ANKS1B: variants seen among roughly 807,000 people sequenced by gnomAD.
ANKS1B encodes ankyrin repeat and sterile alpha motif domain-containing protein 1B.
ANKS1B carries 36 observed loss-of-function variants against 148.3 expected under a neutral mutation model. The observed-to-expected ratio is 0.24, with a 90% CI of 0.19 to 0.32. The LOEUF is 0.32. ANKS1B is among the 10% of genes least tolerant of loss of function. The pLI, the probability that ANKS1B is intolerant of heterozygous loss-of-function variation, is 1.00. For missense variants in ANKS1B, 1,157 were observed against 1,542.6 expected (o/e 0.75, Z 4.19); for synonymous variants, 542 against 560.8 (o/e 0.97, Z 0.47).
chr12:99,191,706 T>C (rs1424809498), intron 14 of ANKS1B, among the ~76,000 whole-genome samples: 1 of 151,992 alleles, frequency 6.6e-6, no homozygotes, highest in Non-Finnish European at 1.5e-5. Context: ...AGTAGGGAAC[T>C]AGGGGAGGGA....
At chr12:99,550,596 C>G (rs2097208861) in intron 9 of ANKS1B, among the ~76,000 whole-genome samples, 1 of 150,828 alleles carries the variant, frequency 6.6e-6, no homozygotes, top group Non-Finnish European at 1.5e-5. Context: ...TGCACTCCAG[C>G]CTGGGTGACA....
In ANKS1B at chr12:98,964,384, T is replaced by C. The variant is rs567399144; in HGVS notation, c.2778+88773A>G. Among the ~76,000 whole-genome samples, 3 of 152,272 alleles carry C rather than the reference T, an allele frequency of 2.0e-5. No individual in the cohort carries two copies. In the South Asian group the frequency reaches 6.2e-4, roughly 32 times the overall value. ...TTGGTACAACCACTATGGAGAACAGTTTGGAGGTTCCTTAAAAAATTAAAA... is the reference window on the plus strand; with the variant it reads ...TTGGTACAACCACTATGGAGAACAGCTTGGAGGTTCCTTAAAAAATTAAAA... On this transcript the variant is annotated intron_variant, in intron 17 of 26. Coordinates refer to ENST00000683438, the MANE Select transcript of ANKS1B (RefSeq NM_001352186.2).
chr12:98,913,797 A>C (rs2099790134), intron 17 of ANKS1B, among the ~76,000 whole-genome samples: 1 of 151,918 alleles, frequency 6.6e-6, no homozygotes, highest in South Asian at 2.1e-4. Context: ...CACCCATCTA[A>C]TTTTTGTATT....
At chr12:99,876,196 AG>A (rs781508489) in intron 1 of ANKS1B, among the ~76,000 whole-genome samples, 3 of 152,226 alleles carry the variant, frequency 2.0e-5, no homozygotes, top group Non-Finnish European at 4.4e-5. Flanking sequence ...TAAGTGCTGC[AG>A]AAAAGGTAAA....
intron 14 of ANKS1B, among the ~76,000 whole-genome samples, chr12:99,217,145 T>C (rs927374179): frequency 2.0e-5 from 3 of 152,186 alleles, no homozygotes; most frequent in African/African-American, 4.8e-5. Flanking sequence ...TTATCTTGTT[T>C]AAGCCACTAT....
At chr12:99,423,325 C>CA (rs532546897) in intron 11 of ANKS1B, among the ~76,000 whole-genome samples, 74 of 152,198 alleles carry the variant, frequency 4.9e-4, no homozygotes, top group African/African-American at 1.6e-3. Context: ...ATTACAAACT[C>CA]AAAAAATAAC....
chr12:99,333,339 GAATAGAAATTAACAGATAGATTC>G (rs2087962886), intron 12 of ANKS1B, among the ~76,000 whole-genome samples: 1 of 152,164 alleles, frequency 6.6e-6, no homozygotes, highest in Non-Finnish European at 1.5e-5. Context: ...ATGACTCTGA[GAATAGAAATTAACAGATAGATTC>G]AAGAAGCAGG....
At position 99,464,318 on chromosome 12, in the gene ANKS1B, T is replaced by G. The variant is rs549881682; in HGVS notation, c.1439-20509A>C. 9.9e-5 allele frequency among the ~76,000 whole-genome samples: 15 copies of G among 151,960 alleles called. No homozygotes were observed. The South Asian group carries it at 2.1e-3, about 21-fold the overall frequency. ...CATCACCATCATCAAAAACCAAAAGTAGATAAAACTACAAAGATGGGGAAA... is the reference window on the plus strand; with the variant it reads ...CATCACCATCATCAAAAACCAAAAGGAGATAAAACTACAAAGATGGGGAAA... On this transcript the variant is annotated intron_variant, in intron 10 of 26. Transcript: ENST00000683438.
intron 8 of ANKS1B, among the ~76,000 whole-genome samples, chr12:99,686,109 C>G (rs1291888019): frequency 6.6e-6 from 1 of 151,918 alleles, no homozygotes; most frequent in Non-Finnish European, 1.5e-5. Flanking sequence ...CACCTATTTC[C>G]CAAAAAGCTA....
chr12:98,947,595 C>T (rs531182567), intron 17 of ANKS1B, among the ~76,000 whole-genome samples: 1 of 152,158 alleles, frequency 6.6e-6, no homozygotes, highest in Non-Finnish European at 1.5e-5. Flanking sequence ...AGGGTTCACA[C>T]GCAAACCAGT....
chr12:99,848,366 C>T (rs1458929486), intron 1 of ANKS1B, among the ~76,000 whole-genome samples: 1 of 152,130 alleles, frequency 6.6e-6, no homozygotes, highest in Non-Finnish European at 1.5e-5. Context: ...TATTCCCTAC[C>T]ATTCTCTACC....
chr12:99,877,442 G>A (rs757382034), intron 1 of ANKS1B, among the ~76,000 whole-genome samples: 3 of 152,066 alleles, frequency 2.0e-5, no homozygotes, highest in Non-Finnish European at 4.4e-5. Flanking sequence ...AATTCCTTCT[G>A]TCTATGGTGT....
In ANKS1B at chr12:99,637,989, C is replaced by T. The variant is rs906931756; in HGVS notation, c.1272+17078G>A. Among the ~76,000 whole-genome samples, 6 of 151,990 alleles carry T rather than the reference C, an allele frequency of 3.9e-5. No individual in the cohort carries two copies. In the South Asian group the frequency reaches 8.3e-4, roughly 21 times the overall value. Reference sequence around the variant, plus strand: ...AATCACGGGGATGGTTACCCCCATCCTGCTTTTCTCTGACAGTGAGTGAGT... The same window carrying T: ...AATCACGGGGATGGTTACCCCCATCTTGCTTTTCTCTGACAGTGAGTGAGT... On this transcript the variant is annotated intron_variant, in intron 9 of 26. Transcript: ENST00000683438.
At position 99,175,881 on chromosome 12, in the gene ANKS1B, C is replaced by T. The variant is rs141259042; in HGVS notation, c.2420-21486G>A. 6.6e-4 allele frequency among the ~76,000 whole-genome samples: 100 copies of T among 152,294 alleles called. 1 individual carries two copies. The highest frequency in any genetic ancestry group is 1.1e-3 in the Non-Finnish European group (78 of 68,020). On this transcript the variant is annotated intron_variant, in intron 14 of 26. Coordinates refer to ENST00000683438, the MANE Select transcript of ANKS1B (RefSeq NM_001352186.2). ...TTTACTTTTGAGACCGAGTCCTGCTCTGTTGCTCAGGCTGGAGTGCAGTAG... is the reference window on the plus strand; with the variant it reads ...TTTACTTTTGAGACCGAGTCCTGCTTTGTTGCTCAGGCTGGAGTGCAGTAG...
At chr12:99,052,060 C>T (rs1170803419) in intron 17 of ANKS1B, among the ~76,000 whole-genome samples, 1 of 152,162 alleles carries the variant, frequency 6.6e-6, no homozygotes, top group Admixed American at 6.5e-5. Flanking sequence ...TCTTTAAAAA[C>T]CTAAGTGATT....
chr12:99,010,757 A>ATTT (rs1274510399), intron 17 of ANKS1B, among the ~76,000 whole-genome samples: 6 of 96,090 alleles, frequency 6.2e-5, no homozygotes, highest in African/African-American at 2.7e-4. Context: ...TATTATTATT[A>ATTT]TTATTTTTTT....
rs2099487662 is a variant in ANKS1B at position 98,847,545 on chromosome 12, G to A, written c.2779-15409C>T. On this transcript the variant is annotated intron_variant, in intron 17 of 26. Coordinates refer to ENST00000683438, the MANE Select transcript of ANKS1B (RefSeq NM_001352186.2). ...GATTGATTCCTTGTCTTAGGACATTGTGACTAATGCTGCAATGAACACGGG... is the reference window on the plus strand; with the variant it reads ...GATTGATTCCTTGTCTTAGGACATTATGACTAATGCTGCAATGAACACGGG... Among the ~76,000 whole-genome samples the A allele has an allele frequency of 3.3e-5, 5 of 152,216 alleles. No individual in the cohort carries two copies. In the South Asian group the frequency reaches 1.0e-3, roughly 32 times the overall value.
intron 9 of ANKS1B, among the ~76,000 whole-genome samples, chr12:99,608,107 GT>G (rs1055262633): frequency 1.3e-5 from 2 of 152,070 alleles, no homozygotes; most frequent in African/African-American, 4.8e-5. Context: ...ACATCCCATA[GT>G]TGGGTCATAC....
At chr12:99,833,584 G>T (rs2084361618) in intron 1 of ANKS1B, among the ~76,000 whole-genome samples, 1 of 152,192 alleles carries the variant, frequency 6.6e-6, no homozygotes, top group African/African-American at 2.4e-5. Flanking sequence ...AGAAAAAGCT[G>T]CAAGGGCAGT....
Sources: allele counts gnomAD v4.1 joint callset (sites outside exome capture counted in the v4.1 genomes callset), GRCh38; gene constraint gnomAD v4.1.1; transcripts MANE v1.5; gene names NCBI Gene and HGNC (gene_info 2026-07-23, HGNC 2026-07-21).